The following PAPPA2 variants were observed in gnomAD, a reference collection of about 807,000 sequenced individuals.
The protein encoded by PAPPA2 is pappalysin 2.
PAPPA2 carries 86 observed loss-of-function variants against 176.4 expected under a neutral mutation model. The observed-to-expected ratio is 0.49, with a 90% CI of 0.41 to 0.58. The LOEUF (loss-of-function observed/expected upper bound fraction) is 0.58. Ranked by LOEUF, PAPPA2 falls within the 20% of genes least tolerant of loss-of-function variation. The probability of loss-of-function intolerance (pLI) is 0.00; values close to 1 mark genes in which losing one functional copy is unlikely to be tolerated. For synonymous variants in PAPPA2, 809 were observed against 852.2 expected (o/e 0.95, Z 0.88); for missense variants, 2,073 against 2,256.9 (o/e 0.92, Z 1.65).
At chr1:176,796,663 T>A (rs1171635048) in intron 20 of PAPPA2, among the ~76,000 whole-genome samples, 3 of 150,952 alleles carry the variant, frequency 2.0e-5, no homozygotes, top group Non-Finnish European at 4.4e-5. Context: ...TTTTTCTTTC[T>A]TCTTTCTTTC....
At chr1:176,522,681 T>C (rs970752402) in intron 1 of PAPPA2, among the ~76,000 whole-genome samples, 6 of 152,244 alleles carry the variant, frequency 3.9e-5, no homozygotes, top group African/African-American at 1.4e-4. Flanking sequence ...ATAATAAACC[T>C]GGGCTTCACC....
intron 3 of PAPPA2, among the ~76,000 whole-genome samples, chr1:176,598,092 A>T (rs1654083050): frequency 6.6e-6 from 1 of 152,200 alleles, no homozygotes; most frequent in Non-Finnish European, 1.5e-5. Context: ...GGAAATATTT[A>T]TACTTTTTGA....
chr1:176,815,649 C>T (rs1666342635), intron 21 of PAPPA2, among the ~76,000 whole-genome samples: 1 of 152,076 alleles, frequency 6.6e-6, no homozygotes, highest in Non-Finnish European at 1.5e-5. Context: ...GTTGTGAGGA[C>T]ATGTGCCCAC....
chr1:176,832,935 C>T (rs1667132600), intron 21 of PAPPA2, among the ~76,000 whole-genome samples: 1 of 152,082 alleles, frequency 6.6e-6, no homozygotes, highest in African/African-American at 2.4e-5. Context: ...TCAGGCTCTG[C>T]AGAGGTACAC....
At chr1:176,686,736 A>G (rs1196659797) in intron 4 of PAPPA2, among the ~76,000 whole-genome samples, 1 of 152,194 alleles carries the variant, frequency 6.6e-6, no homozygotes, top group Admixed American at 6.5e-5. Flanking sequence ...GTTCATGACT[A>G]TCCCTCAAAG....
chr1:176,618,237 T>C (rs1218329093), intron 3 of PAPPA2, among the ~76,000 whole-genome samples: 1 of 152,194 alleles, frequency 6.6e-6, no homozygotes, highest in Non-Finnish European at 1.5e-5. Context: ...CACTATAGAT[T>C]GAATTTTATG....
At chr1:176,829,184 A>T (rs1322488011) in intron 21 of PAPPA2, among the ~76,000 whole-genome samples, 18 of 152,130 alleles carry the variant, frequency 1.2e-4, no homozygotes, top group Admixed American at 1.2e-3. Context: ...TTCTCACCTT[A>T]GCAGTCTCTG....
chr1:176,503,065 G>A (rs1648058417), intron 1 of PAPPA2, among the ~76,000 whole-genome samples: 1 of 151,954 alleles, frequency 6.6e-6, no homozygotes, highest in South Asian at 2.1e-4. Flanking sequence ...TTTGGGGTAG[G>A]TCTCACTTTT....
intron 2 of PAPPA2, among the ~76,000 whole-genome samples, chr1:176,579,911 C>T (rs965328225): frequency 8.5e-5 from 13 of 152,098 alleles, no homozygotes; most frequent in Non-Finnish European, 1.3e-4. Context: ...GCTTTTAAAT[C>T]GATATGTAAT....
At chr1:176,625,474 C>A (rs954229594) in intron 3 of PAPPA2, among the ~76,000 whole-genome samples, 3 of 152,122 alleles carry the variant, frequency 2.0e-5, no homozygotes, top group African/African-American at 7.2e-5. Context: ...AGTGAAGAAG[C>A]AAATCAGTAA....
chr1:176,545,963 C>T (rs985852965), intron 1 of PAPPA2, among the ~76,000 whole-genome samples: 3 of 152,076 alleles, frequency 2.0e-5, no homozygotes, highest in Admixed American at 2.0e-4. Flanking sequence ...GGCACACTTA[C>T]CAAACTGAGG....
At chr1:176,835,344 C>G (rs552603319) in intron 21 of PAPPA2, among the ~76,000 whole-genome samples, 11 of 152,298 alleles carry the variant, frequency 7.2e-5, no homozygotes, top group Non-Finnish European at 1.5e-4. Flanking sequence ...CTAGCCTTAG[C>G]ATTTCATATA....
intron 3 of PAPPA2, among the ~76,000 whole-genome samples, chr1:176,654,218 A>T (rs934452960): frequency 6.6e-6 from 1 of 151,484 alleles, no homozygotes; most frequent in African/African-American, 2.4e-5. Flanking sequence ...ATCCATCCTG[A>T]GTTGATTTTT....
At chr1:176,750,399 G>A (rs1193214957) in intron 14 of PAPPA2, among the ~76,000 whole-genome samples, 1 of 152,138 alleles carries the variant, frequency 6.6e-6, no homozygotes, top group Non-Finnish European at 1.5e-5. Context: ...GAGTTCAGGA[G>A]TTTGAGACCA....
intron 12 of PAPPA2, among the ~76,000 whole-genome samples, chr1:176,729,582 T>G (rs1334241981): frequency 6.6e-6 from 1 of 151,942 alleles, no homozygotes; most frequent in Non-Finnish European, 1.5e-5. Flanking sequence ...GCAGAAAAGA[T>G]CTAAAATCGA....
At position 176,735,354 on chromosome 1, in the gene PAPPA2, A is replaced by G. The variant is rs188173759; in HGVS notation, c.3799-4272A>G. 1.2e-4 allele frequency among the ~76,000 whole-genome samples: 19 copies of G among 152,260 alleles called. No individual in the cohort carries two copies. The East Asian group carries it at 3.5e-3, about 28-fold the overall frequency. ...AAATGAAAAGGCACAGAAGAAAACA[A>G]CAATCCAGTAACCAAAAGCATTTTA... On this transcript the variant is annotated intron_variant, in intron 12 of 22. Transcript: ENST00000367662.
intron 20 of PAPPA2, among the ~76,000 whole-genome samples, chr1:176,794,578 T>C (rs1214988979): frequency 1.3e-5 from 2 of 152,194 alleles, no homozygotes; most frequent in Non-Finnish European, 1.5e-5. Flanking sequence ...CAATAATGTC[T>C]AGGTCATTTG....
intron 1 of PAPPA2, among the ~76,000 whole-genome samples, chr1:176,473,228 A>T (rs1164249444): frequency 1.3e-5 from 2 of 152,128 alleles, no homozygotes; most frequent in African/African-American, 4.8e-5. Context: ...ACAACCACTT[A>T]TCTTTTTACT....
chr1:176,488,821 G>T (rs1464389490), intron 1 of PAPPA2, among the ~76,000 whole-genome samples: 3 of 152,086 alleles, frequency 2.0e-5, no homozygotes, highest in Admixed American at 6.6e-5. Flanking sequence ...GCCATCACCT[G>T]CCCTCTCCAT....
Sources: gnomAD v4.1 joint callset for allele counts (sites outside exome capture counted in the v4.1 genomes callset) on GRCh38, gnomAD v4.1.1 for gene constraint, MANE v1.5 for transcripts, NCBI Gene and HGNC (gene_info 2026-07-23, HGNC 2026-07-21) for gene names.